Variants in TMEM68 observed in about 807,000 individuals in gnomAD.
TMEM68 encodes the protein transmembrane protein 68.
Under a neutral mutation model 36.9 loss-of-function variants are expected in TMEM68, and 25 were observed. The observed-to-expected ratio is 0.68, with a 90% CI of 0.49 to 0.95. The LOEUF is 0.95. Among genes scored for constraint, TMEM68 ranks in the 40% least tolerant of loss-of-function variants. The pLI is 0.00. For missense variants in TMEM68, 333 were observed against 392.0 expected (o/e 0.85, Z 1.27); for synonymous variants, 131 against 124.4 (o/e 1.05, Z -0.35).
intron 5 of TMEM68, 51 bp from the exon 6 acceptor site, chr8:55,745,172 A>G (rs1284401691): frequency 1.5e-5 from 19 of 1,280,458 alleles, no homozygotes; most frequent in Non-Finnish European, 1.8e-5. Context: ...AATCCATTCA[A>G]TGTCTCCATT....
intron 5 of TMEM68, chr8:55,746,748 CAAAGCCTTCAT>C (rs1359837426): frequency 1.3e-5 from 2 of 152,140 alleles, no homozygotes; most frequent in African/African-American, 4.8e-5. Context: ...AGACTACAGG[CAAAGCCTTCAT>C]AAAACCTACT....
At chr8:55,766,953 T>C (rs1810982434) in intron 1 of TMEM68, among the ~76,000 whole-genome samples, 1 of 152,188 alleles carries the variant, frequency 6.6e-6, no homozygotes. Context: ...TTATATGGTG[T>C]TTTGGCAACC....
intron 4 of TMEM68, 27 bp from the exon 5 acceptor site, chr8:55,751,184 C>T: frequency 6.5e-7 from 1 of 1,548,496 alleles, no homozygotes; most frequent in Non-Finnish European, 8.7e-7. Context: ...TATGAAGTTA[C>T]AACATAAGTA....
In TMEM68 at chr8:55,763,004, C is replaced by A. The variant is rs767254960; in HGVS notation, c.-45G>T. 1 of 1,532,280 alleles carries A rather than the reference C, an allele frequency of 6.5e-7. No individual in the cohort carries two copies. The highest frequency in any genetic ancestry group is 1.3e-5 in the South Asian group (1 of 77,010). The allele number at this position is 1,532,280 out of a possible 1,614,324, so 94.9% of individuals were successfully genotyped here. ...ACAAATTCAGTTTCTTTCTTCATTG[C>A]CATAGCAGGTCGCTAATTTTGACAC... On this transcript the variant is annotated 5_prime_UTR_variant, in exon 3 of 8. Coordinates refer to ENST00000434581, the MANE Select transcript of TMEM68 (RefSeq NM_001286657.2).
chr8:55,768,249 G>A (rs1417599018), intron 1 of TMEM68, among the ~76,000 whole-genome samples: 1 of 152,062 alleles, frequency 6.6e-6, no homozygotes, highest in African/African-American at 2.4e-5. Context: ...AAAACACTTT[G>A]GACAGGAGAG....
In TMEM68 at chr8:55,738,926, CAAG is replaced by C. The variant is rs997953229; in HGVS notation, c.*1203_*1205del. 9.8e-5 allele frequency: 15 copies of C among 152,542 alleles called. No homozygotes were observed. Among genetic ancestry groups the C allele is most frequent in the Admixed American group, 8.5e-4 (13 of 15,258 alleles). The allele number at this position is 152,542 out of a possible 1,614,324, so 9.4% of individuals were successfully genotyped here. ...TTAAATAATACTTAAATTCAGTTTTCAAGAAGACAACAAATTGAAAATCATTAA... is the reference window on the plus strand; with the variant it reads ...TTAAATAATACTTAAATTCAGTTTTCAAGACAACAAATTGAAAATCATTAA... On this transcript the variant is annotated 3_prime_UTR_variant, in exon 8 of 8. Coordinates refer to ENST00000434581, the MANE Select transcript of TMEM68 (RefSeq NM_001286657.2).
chr8:55,766,835 A>G (rs113593087), intron 1 of TMEM68, among the ~76,000 whole-genome samples: 2 of 152,236 alleles, frequency 1.3e-5, no homozygotes, highest in Non-Finnish European at 2.9e-5. Flanking sequence ...AAAGTGGCTT[A>G]CATACATGTG....
intron 3 of TMEM68, among the ~76,000 whole-genome samples, chr8:55,758,473 C>G (rs979756222): frequency 3.3e-5 from 5 of 152,146 alleles, no homozygotes; most frequent in African/African-American, 1.2e-4. Context: ...TTAACACACC[C>G]AAATGTTGAA....
intron 1 of TMEM68, among the ~76,000 whole-genome samples, chr8:55,767,736 G>A (rs762741775): frequency 7.9e-5 from 12 of 152,002 alleles, no homozygotes; most frequent in Non-Finnish European, 1.6e-4. Flanking sequence ...TTAGGAGTTC[G>A]AGACCAGCCT....
intron 1 of TMEM68, among the ~76,000 whole-genome samples, chr8:55,768,119 C>T (rs1291333207): frequency 6.6e-6 from 1 of 150,432 alleles, no homozygotes; most frequent in Non-Finnish European, 1.5e-5. Context: ...TAAGAGATCA[C>T]TTCCTTCCTG....
chr8:55,757,522 C>T (rs1810643213), intron 3 of TMEM68, among the ~76,000 whole-genome samples: 1 of 152,142 alleles, frequency 6.6e-6, no homozygotes, highest in Non-Finnish European at 1.5e-5. Flanking sequence ...AACAAAACCC[C>T]ACTCACTTCC....
At chr8:55,749,157 A>T (rs1810364777) in intron 5 of TMEM68, among the ~76,000 whole-genome samples, 2 of 152,166 alleles carry the variant, frequency 1.3e-5, no homozygotes, top group African/African-American at 4.8e-5. Context: ...TATCTCCTCA[A>T]CTTATGTAGA....
At chr8:55,771,765 C>T (rs918650026) in intron 1 of TMEM68, among the ~76,000 whole-genome samples, 2 of 152,090 alleles carry the variant, frequency 1.3e-5, no homozygotes, top group African/African-American at 4.8e-5. Flanking sequence ...AACAAGTTTT[C>T]CTGTTTCCTT....
intron 4 of TMEM68, among the ~76,000 whole-genome samples, chr8:55,754,547 T>A (rs1810519650): frequency 7.2e-6 from 1 of 139,248 alleles, no homozygotes; most frequent in Non-Finnish European, 1.5e-5. Flanking sequence ...ATATTATATA[T>A]ATAATACATA....
chr8:55,751,197 T>A (rs369064585), intron 4 of TMEM68, 40 bp from the exon 5 acceptor site: 377 of 1,519,196 alleles, frequency 2.5e-4, no homozygotes, highest in Non-Finnish European at 3.2e-4. Context: ...CATAAGTATT[T>A]CTTGTTTAAT....
chr8:55,756,261 A>C lies in TMEM68; in HGVS notation c.476T>G (p.Phe159Cys). ...GRTCRVVADH[F>C]VFKIPGFSLL... is the part of the protein sequence containing the mutation. ...AAGTTTACCTGGAATTTTAAAGACA[A>C]AGTGATCAGCTACTACTCGGCAAGT... The change falls in exon 4 of 8, where the codon TTT (phenylalanine) becomes TGT (cysteine). Residue 159 changes from phenylalanine to cysteine, a missense_variant. Coordinates refer to ENST00000434581, the MANE Select transcript of TMEM68 (RefSeq NM_001286657.2). 6.3e-7 allele frequency: 1 copy of C among 1,593,814 alleles called. No homozygotes were observed. Among genetic ancestry groups the C allele is most frequent in the Non-Finnish European group, 8.5e-7 (1 of 1,175,430 alleles).
chr8:55,754,042 C>T (rs1263002149), intron 4 of TMEM68, among the ~76,000 whole-genome samples: 1 of 151,594 alleles, frequency 6.6e-6, no homozygotes, highest in Non-Finnish European at 1.5e-5. Flanking sequence ...CAGTGAGTCG[C>T]GATCGCACCA....
intron 4 of TMEM68, 142 bp from the exon 5 acceptor site, chr8:55,751,299 T>A: frequency 1.4e-6 from 1 of 731,658 alleles, no homozygotes; most frequent in Non-Finnish European, 2.1e-6. Context: ...ACAAAAACTC[T>A]AAAGGTTAAC....
chr8:55,764,452 T>C (rs1036695074), intron 1 of TMEM68, among the ~76,000 whole-genome samples: 6 of 152,246 alleles, frequency 3.9e-5, no homozygotes, highest in Non-Finnish European at 7.3e-5. Context: ...CCATACTATA[T>C]AATCTTACTG....
Sources: allele counts gnomAD v4.1 joint callset (sites outside exome capture counted in the v4.1 genomes callset), GRCh38; gene constraint gnomAD v4.1.1; transcripts MANE v1.5; gene names NCBI Gene and HGNC (gene_info 2026-07-23, HGNC 2026-07-21).